Variants in CELF2 observed in about 807,000 individuals in gnomAD.
CELF2 encodes the protein CUGBP Elav-like family member 2.
In CELF2, 8 loss-of-function variants were observed where a neutral mutation model predicts 62.6. That is an observed-to-expected ratio of 0.13 (90% CI 0.07 to 0.23). CELF2 has a LOEUF of 0.23. Among genes scored for constraint, CELF2 ranks in the 10% least tolerant of loss-of-function variants. The probability of loss-of-function intolerance (pLI) is 1.00; values close to 1 mark genes in which losing one functional copy is unlikely to be tolerated. For synonymous variants in CELF2, 258 were observed against 250.0 expected (o/e 1.03, Z -0.30); for missense variants, 333 against 671.0 (o/e 0.50, Z 5.56).
chr10:10,661,625 TTAAATAGATA>T, the CELF2 span, among the ~76,000 whole-genome samples: 1 of 152,232 alleles, frequency 6.6e-6, no homozygotes, highest in African/African-American at 2.4e-5. Context: ...TTTTCAAATG[TTAAATAGATA>T]TATAAGTGAT....
chr10:10,883,337 G>C (rs2061552182), intron 1 of CELF2, among the ~76,000 whole-genome samples: 1 of 152,158 alleles, frequency 6.6e-6, no homozygotes, highest in African/African-American at 2.4e-5. Flanking sequence ...GAGCGTTTAA[G>C]CAATAAAATT....
intron 9 of CELF2, among the ~76,000 whole-genome samples, chr10:11,298,613 G>A (rs1209354365): frequency 6.6e-6 from 1 of 151,350 alleles, no homozygotes; most frequent in Non-Finnish European, 1.5e-5. Context: ...AGCAAGTAAT[G>A]TAATCTTAAT....
At chr10:10,564,153 A>C in the CELF2 span, among the ~76,000 whole-genome samples, 1 of 152,220 alleles carries the variant, frequency 6.6e-6, no homozygotes, top group Non-Finnish European at 1.5e-5. Context: ...CACTTCCAAC[A>C]CTTCCAAGCA....
At chr10:10,477,919 G>A in the CELF2 span, among the ~76,000 whole-genome samples, 1 of 152,078 alleles carries the variant, frequency 6.6e-6, no homozygotes, top group Non-Finnish European at 1.5e-5. Context: ...CTCATATAAT[G>A]GGGCAGTTTA....
chr10:11,097,014 A>T (rs1266238475), intron 1 of CELF2, among the ~76,000 whole-genome samples: 2 of 152,210 alleles, frequency 1.3e-5, no homozygotes, highest in Non-Finnish European at 2.9e-5. Flanking sequence ...AGTTAAAAAC[A>T]ATAGGAAACG....
the CELF2 span, among the ~76,000 whole-genome samples, chr10:10,661,626 T>C: frequency 6.6e-6 from 1 of 152,224 alleles, no homozygotes; most frequent in East Asian, 1.9e-4. Flanking sequence ...TTTCAAATGT[T>C]AAATAGATAT....
At chr10:10,843,252 G>A (rs1169938843) in intron 1 of CELF2, among the ~76,000 whole-genome samples, 1 of 151,842 alleles carries the variant, frequency 6.6e-6, no homozygotes, top group African/African-American at 2.4e-5. Flanking sequence ...CAAATAACTG[G>A]CTTTTTGTTT....
At chr10:11,119,041 G>T (rs17149557) in intron 1 of CELF2, among the ~76,000 whole-genome samples, 1 of 152,086 alleles carries the variant, frequency 6.6e-6, no homozygotes, top group Non-Finnish European at 1.5e-5. Flanking sequence ...TTCTCAAGCC[G>T]CCATCCAGTT....
At chr10:10,649,853 C>T in the CELF2 span, among the ~76,000 whole-genome samples, 4 of 152,174 alleles carry the variant, frequency 2.6e-5, no homozygotes, top group African/African-American at 9.7e-5. Flanking sequence ...GCCTGAGAGG[C>T]TACATTCGGA....
chr10:11,129,274 G>T (rs927840993), intron 1 of CELF2, among the ~76,000 whole-genome samples: 10 of 152,172 alleles, frequency 6.6e-5, no homozygotes, highest in African/African-American at 2.4e-4. Flanking sequence ...GCTGGATTCG[G>T]TTTGCCAGTA....
At chr10:11,284,522 G>T (rs1041468082) in intron 8 of CELF2, among the ~76,000 whole-genome samples, 5 of 151,506 alleles carry the variant, frequency 3.3e-5, no homozygotes, top group Non-Finnish European at 5.9e-5. Flanking sequence ...ATGAGTGTGT[G>T]GTGGGTGGAT....
At chr10:10,703,089 C>T in the CELF2 span, among the ~76,000 whole-genome samples, 3 of 152,208 alleles carry the variant, frequency 2.0e-5, no homozygotes, top group Non-Finnish European at 4.4e-5. Flanking sequence ...TCTTCAGAAC[C>T]TGCAGGTGTT....
At chr10:10,477,361 G>C in the CELF2 span, among the ~76,000 whole-genome samples, 3 of 152,158 alleles carry the variant, frequency 2.0e-5, no homozygotes, top group African/African-American at 7.2e-5. Flanking sequence ...CGCTGCCTTT[G>C]ATTCAGAGAG....
At chr10:11,263,541 C>A (rs1231019361) in intron 5 of CELF2, among the ~76,000 whole-genome samples, 1 of 152,142 alleles carries the variant, frequency 6.6e-6, no homozygotes, top group African/African-American at 2.4e-5. Flanking sequence ...AAGGGCTGAC[C>A]CTACAGGATC....
intron 1 of CELF2, among the ~76,000 whole-genome samples, chr10:10,866,084 G>A (rs905354280): frequency 1.3e-5 from 2 of 152,032 alleles, no homozygotes; most frequent in East Asian, 1.9e-4. Context: ...GAAGAGCCGC[G>A]GCCTGTCTTC....
At chr10:10,960,841 C>T (rs2049417222) in intron 2 of CELF2, among the ~76,000 whole-genome samples, 1 of 152,134 alleles carries the variant, frequency 6.6e-6, no homozygotes, top group Non-Finnish European at 1.5e-5. Flanking sequence ...TTTAACTGGG[C>T]ATTAGCTTTG....
At chr10:10,730,243 A>T in the CELF2 span, among the ~76,000 whole-genome samples, 1 of 152,146 alleles carries the variant, frequency 6.6e-6, no homozygotes, top group Non-Finnish European at 1.5e-5. Context: ...TTGGGAGGCC[A>T]AAGTAGGTGG....
chr10:11,250,217 C>T (rs1368840477), intron 4 of CELF2, among the ~76,000 whole-genome samples: 1 of 152,212 alleles, frequency 6.6e-6, no homozygotes, highest in South Asian at 2.1e-4. Flanking sequence ...GCTTTCTTCT[C>T]TCAGCTTTCA....
chr10:11,272,548 G>A (rs79974649), intron 7 of CELF2, among the ~76,000 whole-genome samples: 3,566 of 152,242 alleles, frequency 0.023, 140 homozygotes, highest in African/African-American at 0.081. Flanking sequence ...GTGCCCCCAC[G>A]GCTCACAGAA....
Sources: gnomAD v4.1 joint callset for allele counts (sites outside exome capture counted in the v4.1 genomes callset) on GRCh38, gnomAD v4.1.1 for gene constraint, MANE v1.5 for transcripts, NCBI Gene and HGNC (gene_info 2026-07-23, HGNC 2026-07-21) for gene names.